The following PNLIP variants were observed in gnomAD, a reference collection of about 807,000 sequenced individuals.
PNLIP encodes the protein pancreatic triacylglycerol lipase.
In PNLIP, 49 loss-of-function variants were observed where a neutral mutation model predicts 57.1. The observed-to-expected ratio is 0.86, with a 90% CI of 0.68 to 1.09. The LOEUF (loss-of-function observed/expected upper bound fraction) is 1.09. Among genes scored for constraint, PNLIP ranks in the 50% least tolerant of loss-of-function variants. The pLI, the probability that PNLIP is intolerant of heterozygous loss-of-function variation, is 0.00. For missense variants in PNLIP, 503 were observed against 570.2 expected (o/e 0.88, Z 1.20); for synonymous variants, 209 against 200.4 (o/e 1.04, Z -0.36).
At chr10:116,563,313 A>G (rs971607110) in intron 12 of PNLIP, among the ~76,000 whole-genome samples, 1 of 152,212 alleles carries the variant, frequency 6.6e-6, no homozygotes, top group Admixed American at 6.5e-5. Context: ...AAATGTTCCA[A>G]TAAGCATTTC....
intron 6 of PNLIP, 98 bp from the exon 7 acceptor site, chr10:116,555,080 A>C (rs1847237820): frequency 7.4e-7 from 1 of 1,354,790 alleles, no homozygotes; most frequent in Non-Finnish European, 1.0e-6. Flanking sequence ...CAGGTAAGGA[A>C]GAACCCGTTC....
intron 4 of PNLIP, among the ~76,000 whole-genome samples, chr10:116,549,321 T>TA (rs1166012020): frequency 3.3e-5 from 5 of 151,176 alleles, no homozygotes; most frequent in African/African-American, 9.7e-5. Flanking sequence ...ACTAAAACTA[T>TA]AAAAAAAATT....
intron 8 of PNLIP, 23 bp downstream of exon 8, chr10:116,555,530 G>A: frequency 6.2e-7 from 1 of 1,608,584 alleles, no homozygotes; most frequent in Non-Finnish European, 8.5e-7. Flanking sequence ...TGTGTAGAAA[G>A]AGATCTTCTT....
chr10:116,557,758 T>C (rs1847268033), intron 9 of PNLIP, among the ~76,000 whole-genome samples: 1 of 152,168 alleles, frequency 6.6e-6, no homozygotes, highest in East Asian at 1.9e-4. Flanking sequence ...ACACTTGTCC[T>C]GCCAACTTGG....
At position 116,546,152 on chromosome 10, in the gene PNLIP, TA is replaced by T. The variant is rs1847120967; in HGVS notation, c.46+17del. The T allele has an allele frequency of 6.2e-7, 1 of 1,611,566 alleles. No homozygotes were observed. Among genetic ancestry groups the T allele is most frequent in the Non-Finnish European group, 8.5e-7 (1 of 1,177,750 alleles). The stretch of plus-strand genomic sequence containing the variant: ...GAGCAGTAGCAGGTAAGAAAACAAA[TA>T]AATGTTGAGCTGGGAGAGATTCACT... On this transcript the variant is annotated intron_variant, in intron 2 of 12. Transcript: ENST00000369221.
At chr10:116,550,215 G>C (rs1847176028) in intron 4 of PNLIP, among the ~76,000 whole-genome samples, 1 of 151,234 alleles carries the variant, frequency 6.6e-6, no homozygotes, top group African/African-American at 2.4e-5. Context: ...CCCACCACCA[G>C]GCCCGGCTAA....
intron 12 of PNLIP, among the ~76,000 whole-genome samples, chr10:116,562,424 G>A (rs1367239657): frequency 6.6e-6 from 1 of 152,178 alleles, no homozygotes; most frequent in Non-Finnish European, 1.5e-5. Flanking sequence ...AGACAAAAAC[G>A]GACAAGATGG....
chr10:116,549,403 C>T (rs567941379), intron 4 of PNLIP, among the ~76,000 whole-genome samples: 2 of 152,080 alleles, frequency 1.3e-5, no homozygotes, highest in South Asian at 2.1e-4. Flanking sequence ...CGCTTGAACC[C>T]GGGAGGCAGA....
At position 116,565,750 on chromosome 10, in the gene PNLIP, C is replaced by T. The variant is rs527756504; in HGVS notation, c.1335-1985C>T. Among the ~76,000 whole-genome samples the T allele has an allele frequency of 6.6e-5, 10 of 152,008 alleles. No homozygotes were observed. In the South Asian group the frequency reaches 1.2e-3, roughly 19 times the overall value. ...TCGCTGAGTCAGCGATTTTGGTGTT[C>T]GATATTTACCCATGAGGCAAGAACA... On this transcript the variant is annotated intron_variant, in intron 12 of 12. Coordinates refer to ENST00000369221, the MANE Select transcript of PNLIP (RefSeq NM_000936.4).
intron 4 of PNLIP, among the ~76,000 whole-genome samples, chr10:116,549,230 C>A (rs190816187): frequency 1.3e-5 from 2 of 152,076 alleles, no homozygotes; most frequent in African/African-American, 4.8e-5. Context: ...GTAATCCGAG[C>A]ACTTTGGGAG....
At chr10:116,563,820 A>G (rs973784251) in intron 12 of PNLIP, among the ~76,000 whole-genome samples, 1 of 152,208 alleles carries the variant, frequency 6.6e-6, no homozygotes, top group Non-Finnish European at 1.5e-5. Flanking sequence ...TATAGAAGAC[A>G]AGGTTAATGA....
chr10:116,549,906 C>G, intron 4 of PNLIP, among the ~76,000 whole-genome samples: 1 of 152,046 alleles, frequency 6.6e-6, no homozygotes, highest in Non-Finnish European at 1.5e-5. Context: ...GTGGTTTAAA[C>G]TAGAAGGATA....
At chr10:116,548,979 C>G (rs1847160172) in intron 4 of PNLIP, among the ~76,000 whole-genome samples, 1 of 152,130 alleles carries the variant, frequency 6.6e-6, no homozygotes, top group Admixed American at 6.5e-5. Flanking sequence ...ATCCTATTTT[C>G]TTTAATTTGC....
intron 4 of PNLIP, among the ~76,000 whole-genome samples, chr10:116,549,796 A>T (rs1394430179): frequency 6.6e-6 from 1 of 152,166 alleles, no homozygotes; most frequent in Non-Finnish European, 1.5e-5. Flanking sequence ...TATGCAATTT[A>T]TTTCTAAGAT....
chr10:116,558,814 G>A (rs994404371), intron 9 of PNLIP, among the ~76,000 whole-genome samples: 1 of 151,786 alleles, frequency 6.6e-6, no homozygotes, highest in African/African-American at 2.4e-5. Context: ...TAGTAGAGAC[G>A]GGGTTTCACC....
Position 116,560,543 on chromosome 10 carries a change from C to T in PNLIP, c.1169+19C>T. 1.0e-6 allele frequency: 1 copy of T among 959,506 alleles called. No homozygotes were observed. The highest frequency in any genetic ancestry group is 2.4e-5 in the Admixed American group (1 of 42,152). 59.4% of individuals were successfully genotyped at this position (959,506 alleles called of 1,614,324 possible). ...TTTTCAAGTGAGTAAAATAATATTG[C>T]TCTATGCTTTTTTTTTTTTTTTTTT... On this transcript the variant is annotated intron_variant, in intron 11 of 12. Coordinates refer to ENST00000369221, the MANE Select transcript of PNLIP (RefSeq NM_000936.4).
At chr10:116,555,781 C>T (rs1017001910) in intron 8 of PNLIP, among the ~76,000 whole-genome samples, 7 of 152,108 alleles carry the variant, frequency 4.6e-5, no homozygotes, top group Non-Finnish European at 1.0e-4. Context: ...GTATTTTAAA[C>T]CTTTCATTTA....
chr10:116,561,578 C>T lies in PNLIP; in HGVS notation c.1276C>T (p.Pro426Ser), dbSNP rs1847316228. 1 of 1,613,260 alleles carries T rather than the reference C, an allele frequency of 6.2e-7. No homozygotes were observed. Among genetic ancestry groups the T allele is most frequent in the African/African-American group, 1.3e-5 (1 of 74,870 alleles). The change falls in exon 12 of 13, where the codon CCA (proline) becomes TCA (serine). Residue 426 changes from proline (P) to serine (S), a missense_variant. By Grantham distance (74) the Pro-to-Ser change is moderately conservative (BLOSUM62 -1). Transcript: ENST00000369221. Reference protein sequence around the residue: ...KFIWYNNVINPTLPRVGASKI... With the variant: ...KFIWYNNVINSTLPRVGASKI... ...TATTTGGTATAACAATGTGATCAACCCAACTTTACCTAGAGTGGGAGCATC... is the reference window on the plus strand; with the variant it reads ...TATTTGGTATAACAATGTGATCAACTCAACTTTACCTAGAGTGGGAGCATC...
Position 116,552,247 on chromosome 10 carries a change from T to C in PNLIP, c.459+1015T>C, listed in dbSNP as rs186010489. 3.1e-3 allele frequency among the ~76,000 whole-genome samples: 477 copies of C among 152,310 alleles called. 2 individuals are homozygous for C. Among genetic ancestry groups the C allele is most frequent in the Admixed American group, 0.014 (209 of 15,298 alleles). On this transcript the variant is annotated intron_variant, in intron 5 of 12. Transcript: ENST00000369221. Reference sequence around the variant, plus strand: ...TTTTAAAGTATACTCCTTCAACTTATTAAAGAAAAATAAAACAGCCTCAGG... The same window carrying C: ...TTTTAAAGTATACTCCTTCAACTTACTAAAGAAAAATAAAACAGCCTCAGG...
Sources: gnomAD v4.1 joint callset for allele counts (sites outside exome capture counted in the v4.1 genomes callset) on GRCh38, gnomAD v4.1.1 for gene constraint, MANE v1.5 for transcripts, NCBI Gene and HGNC (gene_info 2026-07-23, HGNC 2026-07-21) for gene names.